The following MGST2 variants were observed in gnomAD, a reference collection of about 807,000 sequenced individuals.
MGST2 encodes microsomal glutathione S-transferase 2.
A neutral mutation model predicts 16.6 loss-of-function variants in MGST2; 9 were observed. The observed-to-expected ratio is 0.54, with a 90% CI of 0.33 to 0.95. The LOEUF (loss-of-function observed/expected upper bound fraction) is 0.95. MGST2 is among the 40% of genes least tolerant of loss of function. MGST2 has a pLI of 0.03. For missense variants in MGST2, 159 were observed against 175.1 expected, an observed-to-expected ratio of 0.91 and a Z score of 0.52; for synonymous variants, 79 against 68.0, an observed-to-expected ratio of 1.16 and a Z score of -0.79.
At chr4:139,674,699 T>A (rs1476822700) in intron 1 of MGST2, among the ~76,000 whole-genome samples, 1 of 152,154 alleles carries the variant, frequency 6.6e-6, no homozygotes, top group Admixed American at 6.5e-5. Context: ...GAGAATTGCT[T>A]GAACCCAGGA....
intron 2 of MGST2, among the ~76,000 whole-genome samples, chr4:139,691,765 C>T (rs1052945155): frequency 1.3e-5 from 2 of 152,078 alleles, no homozygotes; most frequent in Non-Finnish European, 2.9e-5. Context: ...GTGGCGTGAT[C>T]TCGGCTCACT....
chr4:139,703,424 C>G lies in MGST2; in HGVS notation c.230-31C>G, dbSNP rs201152335. On this transcript the variant is annotated intron_variant, in intron 3 of 4. Coordinates refer to ENST00000265498, the MANE Select transcript of MGST2 (RefSeq NM_002413.5). ...TAAGAGACTGCTGTTGTATTTTGTG[C>G]CTTTTCTTTTTTTTTCCCACCCCCC... 22 of 1,580,772 alleles carry G rather than the reference C, an allele frequency of 1.4e-5. No homozygotes were observed. In the Admixed American group the frequency reaches 3.2e-4, roughly 23 times the overall value.
At chr4:139,677,198 T>C (rs1731005454) in intron 1 of MGST2, among the ~76,000 whole-genome samples, 1 of 152,202 alleles carries the variant, frequency 6.6e-6, no homozygotes, top group Non-Finnish European at 1.5e-5. Context: ...ATTTAGAAAG[T>C]TTATTTTGTC....
chr4:139,691,681 TGATGATGATGATGATG>T (rs1726595569), intron 2 of MGST2, among the ~76,000 whole-genome samples: 1 of 138,414 alleles, frequency 7.2e-6, no homozygotes, highest in African/African-American at 2.9e-5. Context: ...ATGATGATGA[TGATGATGATGATGATG>T]ATTATTATTA....
downstream of MGST2, among the ~76,000 whole-genome samples, chr4:139,744,987 T>C (rs1466722747): frequency 6.6e-6 from 1 of 152,210 alleles, no homozygotes; most frequent in Non-Finnish European, 1.5e-5. Context: ...TATTCTCCTT[T>C]ATGAAATGAG....
chr4:139,670,149 A>G (rs1027213018), intron 1 of MGST2, among the ~76,000 whole-genome samples: 1 of 150,818 alleles, frequency 6.6e-6, no homozygotes, highest in African/African-American at 2.4e-5. Context: ...CTTGGTAGAG[A>G]CCACAGGTTG....
At chr4:139,726,518 G>A (rs1373631640) in intron 5 of MGST2, among the ~76,000 whole-genome samples, 1 of 152,178 alleles carries the variant, frequency 6.6e-6, no homozygotes, top group African/African-American at 2.4e-5. Context: ...CAGCCTGCAT[G>A]CTTTCCTTAG....
chr4:139,688,922 C>T (rs573970044), intron 2 of MGST2, among the ~76,000 whole-genome samples: 19 of 151,974 alleles, frequency 1.3e-4, no homozygotes, highest in East Asian at 1.9e-4. Context: ...GCCTGGCCAA[C>T]GTGATGAAAC....
chr4:139,741,491 C>G (rs1202820952), downstream of MGST2, among the ~76,000 whole-genome samples: 1 of 152,178 alleles, frequency 6.6e-6, no homozygotes, highest in African/African-American at 2.4e-5. Flanking sequence ...GTGGCTCATG[C>G]CTGTAATCCC....
At chr4:139,692,257 A>G (rs1726655372) in intron 2 of MGST2, among the ~76,000 whole-genome samples, 1 of 152,214 alleles carries the variant, frequency 6.6e-6, no homozygotes, top group South Asian at 2.1e-4. Context: ...CTGTGAGCAC[A>G]AACGCAGCTG....
At chr4:139,749,901 T>G in the MGST2 span, among the ~76,000 whole-genome samples, 1 of 125,382 alleles carries the variant, frequency 8.0e-6, no homozygotes, top group East Asian at 2.6e-4. Context: ...CCCCACCCTA[T>G]TCTGCCAAAA....
intron 2 of MGST2, among the ~76,000 whole-genome samples, chr4:139,693,231 C>A (rs906878804): frequency 6.6e-6 from 1 of 151,784 alleles, no homozygotes; most frequent in Non-Finnish European, 1.5e-5. Flanking sequence ...CGATGAAACC[C>A]CGTCTCTACT....
At chr4:139,742,245 C>T (rs1331681990), downstream of MGST2, among the ~76,000 whole-genome samples, 1 of 151,504 alleles carries the variant, frequency 6.6e-6, no homozygotes, top group African/African-American at 2.4e-5. Flanking sequence ...GCCTCCCGGG[C>T]TCAAGCAATT....
intron 5 of MGST2, among the ~76,000 whole-genome samples, chr4:139,736,838 C>T (rs1728966401): frequency 6.6e-6 from 1 of 152,184 alleles, no homozygotes. Flanking sequence ...ATCCTGTGCC[C>T]TGATTAGATT....
the MGST2 span, among the ~76,000 whole-genome samples, chr4:139,751,168 T>G: frequency 2.0e-5 from 3 of 152,232 alleles, no homozygotes; most frequent in African/African-American, 7.2e-5. Context: ...ATCTCTCCCA[T>G]GTCCCTGTCT....
chr4:139,729,949 T>C (rs1229189284), intron 5 of MGST2, among the ~76,000 whole-genome samples: 2 of 152,286 alleles, frequency 1.3e-5, no homozygotes, highest in African/African-American at 4.8e-5. Context: ...CTATTGTTCC[T>C]GATCCATTGT....
chr4:139,730,256 A>G lies in MGST2; in HGVS notation c.*49-9956A>G, dbSNP rs892545149. 20 of 660,114 alleles carry G rather than the reference A, an allele frequency of 3.0e-5. No homozygotes were observed. In the East Asian group the frequency reaches 5.2e-4, roughly 17 times the overall value. The allele number at this position is 660,114 out of a possible 1,614,324, so 40.9% of individuals were successfully genotyped here. A position where few individuals can be genotyped will look rare whatever the true frequency, so the allele number is the denominator to read the frequency against. On this transcript the variant is annotated intron_variant, in intron 5 of 5. Transcript: ENST00000616265. ...TTATAGGAAAAACCCTAACTAATTG[A>G]AAGGTCTAAATTCTTCAGGTTCTCT...
downstream of MGST2, among the ~76,000 whole-genome samples, chr4:139,743,113 C>A (rs1729216327): frequency 1.3e-5 from 2 of 152,210 alleles, no homozygotes; most frequent in Admixed American, 1.3e-4. Flanking sequence ...CTCTGCTTCC[C>A]AGATCCAGGC....
intron 3 of MGST2, among the ~76,000 whole-genome samples, chr4:139,700,059 A>G (rs1042222076): frequency 2.0e-5 from 3 of 149,588 alleles, no homozygotes; most frequent in African/African-American, 7.4e-5. Context: ...AATTATCATT[A>G]TAGCTATTAT....
Sources: allele counts gnomAD v4.1 joint callset (sites outside exome capture counted in the v4.1 genomes callset), GRCh38; gene constraint gnomAD v4.1.1; transcripts MANE v1.5; gene names NCBI Gene and HGNC (gene_info 2026-07-23, HGNC 2026-07-21).